The following KYNU variants were observed in gnomAD, a reference collection of about 807,000 sequenced individuals.
KYNU encodes the protein kynureninase.
In KYNU, 54 loss-of-function variants were observed where a neutral mutation model predicts 59.2. That is an observed-to-expected ratio of 0.91 (90% CI 0.73 to 1.14). The LOEUF (loss-of-function observed/expected upper bound fraction) is 1.14, where lower values mean the gene tolerates loss of function less well. KYNU is among the 50% of genes most tolerant of loss of function. The pLI, the probability that KYNU is intolerant of heterozygous loss-of-function variation, is 0.00. For missense variants in KYNU, 567 were observed against 554.4 expected, an observed-to-expected ratio of 1.02 and a Z score of -0.23; for synonymous variants, 177 against 192.0, an observed-to-expected ratio of 0.92 and a Z score of 0.65.
rs1194024086 is a variant in KYNU, at chr2:143,055,801, G to A, written c.*13629G>A. On this transcript the variant is annotated 3_prime_UTR_variant, in exon 14 of 14. Coordinates refer to ENST00000264170, the MANE Select transcript of KYNU (RefSeq NM_003937.3). Reference sequence around the variant, plus strand: ...TGGAATTCTCTCTATTTTTGTTAATGTTGGAAAATTTAATAAAAACAATGA... The same window carrying A: ...TGGAATTCTCTCTATTTTTGTTAATATTGGAAAATTTAATAAAAACAATGA... 1 of 152,110 alleles carries A rather than the reference G, an allele frequency of 6.6e-6. No individual in the cohort carries two copies. Among genetic ancestry groups the A allele is most frequent in the African/African-American group, 2.4e-5 (1 of 41,410 alleles). 9.4% of individuals were successfully genotyped at this position (152,110 alleles called of 1,614,324 possible).
intron 10 of KYNU, among the ~76,000 whole-genome samples, chr2:142,993,984 C>T (rs185697988): frequency 6.6e-6 from 1 of 152,076 alleles, no homozygotes; most frequent in African/African-American, 2.4e-5. Flanking sequence ...GTCAATGAAC[C>T]TTTCAGGCAT....
intron 8 of KYNU, among the ~76,000 whole-genome samples, chr2:142,974,834 C>T (rs1455992006): frequency 6.6e-6 from 1 of 152,178 alleles, no homozygotes; most frequent in East Asian, 1.9e-4. Flanking sequence ...AGACAAGCAT[C>T]AGCTTGCTTC....
chr2:142,946,796 C>T (rs1683798858), intron 4 of KYNU, among the ~76,000 whole-genome samples: 1 of 151,708 alleles, frequency 6.6e-6, no homozygotes, highest in Non-Finnish European at 1.5e-5. Context: ...GTAGCTGAGA[C>T]CTCCTTTCTA....
intron 10 of KYNU, among the ~76,000 whole-genome samples, chr2:143,017,415 G>C (rs2105212426): frequency 7.8e-6 from 1 of 128,706 alleles, no homozygotes; most frequent in East Asian, 2.3e-4. Context: ...GTTGTTTTTT[G>C]ACCTTTTCTC....
chr2:143,021,814 T>C (rs1686417088), intron 10 of KYNU, among the ~76,000 whole-genome samples: 1 of 152,096 alleles, frequency 6.6e-6, no homozygotes, highest in African/African-American at 2.4e-5. Flanking sequence ...AGGGACACAA[T>C]CCACATTATA....
intron 4 of KYNU, among the ~76,000 whole-genome samples, chr2:142,949,075 C>T (rs1683897353): frequency 6.6e-6 from 1 of 152,212 alleles, no homozygotes; most frequent in African/African-American, 2.4e-5. Flanking sequence ...AATCTTAAAG[C>T]TCTGAAATGA....
intron 2 of KYNU, among the ~76,000 whole-genome samples, chr2:142,888,435 G>A (rs990668060): frequency 1.3e-5 from 2 of 152,146 alleles, no homozygotes; most frequent in Non-Finnish European, 2.9e-5. Flanking sequence ...TCCAGCCTGG[G>A]TGACAGAGCA....
At chr2:142,988,963 T>A in intron 10 of KYNU, 6 of 1,313,284 alleles carry the variant, frequency 4.6e-6, no homozygotes, top group Non-Finnish European at 6.6e-6. Flanking sequence ...TTGCTGAAAC[T>A]TAACTTTGTG....
At chr2:142,961,806 A>G (rs1160345686) in intron 8 of KYNU, among the ~76,000 whole-genome samples, 1 of 152,220 alleles carries the variant, frequency 6.6e-6, no homozygotes, top group Non-Finnish European at 1.5e-5. Flanking sequence ...TTTAAATAGC[A>G]CTTCTATTTC....
rs1455247381 is a variant in KYNU, at chr2:143,007,277, C to T, written c.902+21256C>T. 2.7e-5 allele frequency among the ~76,000 whole-genome samples: 4 copies of T among 149,170 alleles called. 1 individual carries two copies. Among genetic ancestry groups the T allele is most frequent in the African/African-American group, 7.7e-5 (3 of 38,930 alleles). ...TGAAGAATGCAGAAGCCTCAGGAAC[C>T]GGTGCGATCAACTGGAAGAAAGGGT... On this transcript the variant is annotated intron_variant, in intron 10 of 13. Coordinates refer to ENST00000264170, the MANE Select transcript of KYNU (RefSeq NM_003937.3).
At chr2:142,936,433 G>A (rs1218977567) in intron 4 of KYNU, among the ~76,000 whole-genome samples, 2 of 152,146 alleles carry the variant, frequency 1.3e-5, no homozygotes, top group Admixed American at 6.5e-5. Flanking sequence ...CAGCCTAGAG[G>A]GCTGTTTTTT....
chr2:142,996,103 T>C (rs1040867187), intron 10 of KYNU, among the ~76,000 whole-genome samples: 2 of 152,104 alleles, frequency 1.3e-5, no homozygotes, highest in African/African-American at 4.8e-5. Flanking sequence ...AGGGGACTTA[T>C]GAACCCATGC....
At chr2:142,948,055 A>G (rs889859904) in intron 4 of KYNU, 3 of 152,200 alleles carry the variant, frequency 2.0e-5, no homozygotes, top group Non-Finnish European at 4.4e-5. Context: ...CCACCGAAGA[A>G]ATCATCAATA....
intron 8 of KYNU, among the ~76,000 whole-genome samples, chr2:142,972,788 G>A (rs1482085895): frequency 7.4e-6 from 1 of 134,754 alleles, no homozygotes; most frequent in Non-Finnish European, 1.6e-5. Context: ...CAGAGACAGA[G>A]GCCATATATA....
Position 143,047,488 on chromosome 2 carries a change from T to C in KYNU, c.*5316T>C, listed in dbSNP as rs1687184435. ...GAAATTTTATGCAAATGAGCACATT[T>C]TTCTCCCTTCCTTCCTTCCTTCTTT... On this transcript the variant is annotated 3_prime_UTR_variant, in exon 14 of 14. Transcript: ENST00000264170. The C allele has an allele frequency of 6.6e-6, 1 of 152,064 alleles. No individual in the cohort carries two copies. Among genetic ancestry groups the C allele is most frequent in the Non-Finnish European group, 1.5e-5 (1 of 68,026 alleles). The allele number at this position is 152,064 out of a possible 1,614,324, so 9.4% of individuals were successfully genotyped here.
In KYNU at chr2:142,960,669, A is replaced by G. The variant is rs1325043411; in HGVS notation, c.628A>G (p.Lys210Glu). 1 of 1,613,374 alleles carries G rather than the reference A, an allele frequency of 6.2e-7. No homozygotes were observed. Among genetic ancestry groups the G allele is most frequent in the Non-Finnish European group, 8.5e-7 (1 of 1,179,494 alleles). Residue 210 changes from lysine (K) to glutamate (E), a missense_variant, in exon 8 of 14, where the codon AAG becomes GAG. Coordinates refer to ENST00000264170, the MANE Select transcript of KYNU (RefSeq NM_003937.3). ...RIEDILEVIEKEGDSIAVILF... is the reference protein window; with the variant it reads ...RIEDILEVIEEEGDSIAVILF... ...AGAGGATATCCTTGAAGTAATTGAG[A>G]AGGAAGGAGACTCAATTGCAGTGAT... is the stretch of plus-strand genomic sequence containing the variant.
chr2:142,988,706 T>G (rs1573875394), intron 10 of KYNU: 10 of 730,322 alleles, frequency 1.4e-5, no homozygotes, highest in Non-Finnish European at 2.5e-5. Context: ...AAACCTTGGT[T>G]GTTTTTCTGT....
intron 10 of KYNU, among the ~76,000 whole-genome samples, chr2:143,000,253 A>C (rs1212731921): frequency 6.6e-6 from 1 of 152,170 alleles, no homozygotes; most frequent in Non-Finnish European, 1.5e-5. Context: ...AATTGCTATG[A>C]CCACTGAATT....
rs1231226123 is a variant in KYNU, at chr2:143,048,158, G to C, written c.*5986G>C. The stretch of plus-strand genomic sequence containing the variant: ...AAACCCAGCCCCTCATTTTCTTTTT[G>C]ATTTTTATTTATTTTCCTCTGTTTT... On this transcript the variant is annotated 3_prime_UTR_variant, in exon 14 of 14. Coordinates refer to ENST00000264170, the MANE Select transcript of KYNU (RefSeq NM_003937.3). 6.6e-6 allele frequency: 1 copy of C among 151,834 alleles called. No individual in the cohort carries two copies. Among genetic ancestry groups the C allele is most frequent in the Non-Finnish European group, 1.5e-5 (1 of 67,954 alleles). The allele number at this position is 151,834 out of a possible 1,614,324, so 9.4% of individuals were successfully genotyped here.
Sources: allele counts gnomAD v4.1 joint callset (sites outside exome capture counted in the v4.1 genomes callset), GRCh38; gene constraint gnomAD v4.1.1; transcripts MANE v1.5; gene names NCBI Gene and HGNC (gene_info 2026-07-23, HGNC 2026-07-21).